Variants in LUZP2 observed in about 807,000 individuals in gnomAD.
LUZP2 encodes the protein leucine zipper protein 2.
A neutral mutation model predicts 51.6 loss-of-function variants in LUZP2; 52 were observed. The ratio of observed to expected loss-of-function variants is 1.01; its 90% CI spans 0.81 to 1.27. LUZP2 has a LOEUF of 1.27. LUZP2 is among the 50% of genes most tolerant of loss of function. The probability of loss-of-function intolerance (pLI) is 0.00; values close to 1 mark genes in which losing one functional copy is unlikely to be tolerated. For missense variants in LUZP2, 436 were observed against 395.4 expected (o/e 1.10, Z -0.87); for synonymous variants, 154 against 137.3 (o/e 1.12, Z -0.85).
chr11:24,587,915 T>G (rs1853130063), intron 1 of LUZP2, among the ~76,000 whole-genome samples: 1 of 152,068 alleles, frequency 6.6e-6, no homozygotes, highest in African/African-American at 2.4e-5. Flanking sequence ...ACATTATAGA[T>G]TCATTTTATT....
intron 1 of LUZP2, among the ~76,000 whole-genome samples, chr11:24,549,858 C>T (rs572367581): frequency 1.3e-5 from 2 of 151,926 alleles, no homozygotes; most frequent in Non-Finnish European, 2.9e-5. Flanking sequence ...TTTCTATGGT[C>T]ATTTATGGAC....
chr11:24,541,542 A>C (rs1019758225), intron 1 of LUZP2, among the ~76,000 whole-genome samples: 1 of 151,972 alleles, frequency 6.6e-6, no homozygotes, highest in Non-Finnish European at 1.5e-5. Context: ...TTTCAGTCTA[A>C]CCTTTAGATT....
chr11:24,991,392 G>GTATATA (rs770909829), intron 9 of LUZP2, among the ~76,000 whole-genome samples: 12,326 of 103,310 alleles, frequency 0.12, 960 homozygotes, highest in East Asian at 0.41. Context: ...GTGTGTGTGT[G>GTATATA]TGTGTATATA....
chr11:24,652,988 T>G (rs1249007719), intron 1 of LUZP2, among the ~76,000 whole-genome samples: 1 of 152,184 alleles, frequency 6.6e-6, no homozygotes, highest in Non-Finnish European at 1.5e-5. Flanking sequence ...AATTTAGAAT[T>G]GTGTCAAAGG....
intron 1 of LUZP2, among the ~76,000 whole-genome samples, chr11:24,633,956 G>A (rs920710784): frequency 2.5e-4 from 29 of 114,678 alleles, no homozygotes; most frequent in African/African-American, 9.2e-4. Flanking sequence ...GTGTGTGTGT[G>A]TGTGTGTGTA....
At chr11:24,628,614 A>C (rs2133921237) in intron 1 of LUZP2, among the ~76,000 whole-genome samples, 1 of 152,116 alleles carries the variant, frequency 6.6e-6, no homozygotes, top group South Asian at 2.1e-4. Flanking sequence ...GCTGGAGTGC[A>C]GTGGTGCCAT....
At chr11:24,597,801 A>G (rs1853491228) in intron 1 of LUZP2, among the ~76,000 whole-genome samples, 1 of 152,122 alleles carries the variant, frequency 6.6e-6, no homozygotes, top group Non-Finnish European at 1.5e-5. Flanking sequence ...TTCTTTAGTC[A>G]CATAGAAGAT....
At chr11:25,041,991 C>T (rs1318236978) in intron 9 of LUZP2, among the ~76,000 whole-genome samples, 3 of 152,160 alleles carry the variant, frequency 2.0e-5, no homozygotes, top group African/African-American at 7.2e-5. Context: ...GGAACAGTTT[C>T]ATCCTGAAAT....
chr11:25,028,036 A>G (rs1298449798), intron 9 of LUZP2, among the ~76,000 whole-genome samples: 2 of 152,042 alleles, frequency 1.3e-5, no homozygotes, highest in Non-Finnish European at 2.9e-5. Flanking sequence ...TTCATATCCC[A>G]GTTTTAACTT....
chr11:24,597,143 T>A (rs1853469467), intron 1 of LUZP2, among the ~76,000 whole-genome samples: 1 of 152,198 alleles, frequency 6.6e-6, no homozygotes, highest in Admixed American at 6.5e-5. Context: ...AGGGCAGACA[T>A]AAAGTGAAGT....
intron 4 of LUZP2, among the ~76,000 whole-genome samples, chr11:24,753,967 C>T (rs1586395): frequency 0.47 from 71,985 of 151,960 alleles, 17,556 homozygotes; most frequent in Non-Finnish European, 0.54. Flanking sequence ...GGGGGACCAG[C>T]CAAGTCTCCC....
intron 4 of LUZP2, among the ~76,000 whole-genome samples, chr11:24,747,379 C>T (rs1859419957): frequency 6.6e-6 from 1 of 152,168 alleles, no homozygotes; most frequent in South Asian, 2.1e-4. Context: ...GCTGACTTCA[C>T]AGAGTCTTAT....
At chr11:24,855,496 C>A (rs1851533822) in intron 5 of LUZP2, among the ~76,000 whole-genome samples, 2 of 152,102 alleles carry the variant, frequency 1.3e-5, no homozygotes, top group South Asian at 4.1e-4. Context: ...AGTATTTCAA[C>A]CTCATGGACA....
intron 3 of LUZP2, 119 bp from the exon 4 acceptor site, chr11:24,738,102 C>T (rs969891541): frequency 1.7e-6 from 1 of 572,908 alleles, no homozygotes. Context: ...TGGCTTTATG[C>T]ACTTCTAGTT....
chr11:24,887,265 A>G (rs975032037), intron 5 of LUZP2, among the ~76,000 whole-genome samples: 3 of 152,188 alleles, frequency 2.0e-5, no homozygotes, highest in African/African-American at 7.2e-5. Context: ...AGCATAAACA[A>G]TTCAAAAGGT....
At chr11:24,798,659 G>A (rs954262683) in intron 5 of LUZP2, among the ~76,000 whole-genome samples, 6 of 152,060 alleles carry the variant, frequency 3.9e-5, no homozygotes, top group African/African-American at 1.4e-4. Flanking sequence ...GTGCAGAATG[G>A]GCGTATAGGC....
chr11:25,001,121 A>G (rs1316813756), intron 9 of LUZP2, among the ~76,000 whole-genome samples: 1 of 152,126 alleles, frequency 6.6e-6, no homozygotes, highest in Admixed American at 6.5e-5. Context: ...CTTTTAGCAA[A>G]CTCTACTTTT....
chr11:24,699,484 T>C (rs1857355071), intron 1 of LUZP2, among the ~76,000 whole-genome samples: 1 of 152,082 alleles, frequency 6.6e-6, no homozygotes, highest in South Asian at 2.1e-4. Flanking sequence ...GAAAAATGAA[T>C]ATATCAGATA....
intron 5 of LUZP2, among the ~76,000 whole-genome samples, chr11:24,763,752 T>C (rs1039564908): frequency 2.0e-5 from 3 of 152,204 alleles, no homozygotes; most frequent in Non-Finnish European, 2.9e-5. Context: ...ATCATTTCCA[T>C]GATAGCCTTT....
Sources: allele counts gnomAD v4.1 joint callset (sites outside exome capture counted in the v4.1 genomes callset), GRCh38; gene constraint gnomAD v4.1.1; transcripts MANE v1.5; gene names NCBI Gene and HGNC (gene_info 2026-07-23, HGNC 2026-07-21).